The following LPGAT1 variants were observed in gnomAD, a reference collection of about 807,000 sequenced individuals.
The protein encoded by LPGAT1 is lysophosphatidylglycerol acyltransferase 1.
Under a neutral mutation model 47.5 loss-of-function variants are expected in LPGAT1, and 11 were observed. That is an observed-to-expected ratio of 0.23 (90% confidence interval 0.15 to 0.38). LPGAT1 has a LOEUF of 0.38. Ranked by LOEUF, LPGAT1 falls within the 10% of genes least tolerant of loss-of-function variation. The pLI is 1.00. For synonymous variants in LPGAT1, 138 were observed against 144.2 expected, an observed-to-expected ratio of 0.96 and a Z score of 0.31; for missense variants, 293 against 439.0, an observed-to-expected ratio of 0.67 and a Z score of 2.97.
At chr1:211,803,093 G>A (rs890469921) in intron 2 of LPGAT1, 4 of 151,574 alleles carry the variant, frequency 2.6e-5, no homozygotes, top group Non-Finnish European at 5.9e-5. Flanking sequence ...TACTGCACTT[G>A]ACCTGGGGAA....
chr1:211,755,401 A>G (rs573462718), intron 6 of LPGAT1, among the ~76,000 whole-genome samples: 6 of 151,912 alleles, frequency 3.9e-5, no homozygotes, highest in Non-Finnish European at 5.9e-5. Flanking sequence ...CATGATGTTT[A>G]GACCAGCAAA....
At chr1:211,796,514 C>CGA (rs1659358382) in intron 2 of LPGAT1, among the ~76,000 whole-genome samples, 1 of 152,174 alleles carries the variant, frequency 6.6e-6, no homozygotes, top group Non-Finnish European at 1.5e-5. Context: ...GAGAGTCTTT[C>CGA]GAGAGAGCAT....
chr1:211,787,560 T>C (rs1658937557), intron 4 of LPGAT1, 72 bp downstream of exon 4: 1 of 840,216 alleles, frequency 1.2e-6, no homozygotes, highest in Non-Finnish European at 1.9e-6. Flanking sequence ...TTGGTTTTGT[T>C]ATACCTCTTT....
intron 6 of LPGAT1, among the ~76,000 whole-genome samples, chr1:211,777,946 A>G (rs72746524): frequency 0.11 from 17,357 of 152,240 alleles, 1,153 homozygotes; most frequent in South Asian, 0.21. Flanking sequence ...AGATGGCCAC[A>G]AGAGTGACCT....
At chr1:211,751,115 C>A in intron 6 of LPGAT1, 48 bp from the exon 7 acceptor site, 1 of 1,183,180 alleles carries the variant, frequency 8.5e-7, no homozygotes, top group Non-Finnish European at 1.2e-6. Context: ...GTTCAGAAGT[C>A]AAAATCATTC....
At chr1:211,787,870 C>T (rs1658952855) in intron 3 of LPGAT1, 143 bp from the exon 4 acceptor site, 1 of 537,930 alleles carries the variant, frequency 1.9e-6, no homozygotes. Flanking sequence ...TTTCTACAAA[C>T]AAAGCACAGT....
At chr1:211,774,931 G>A (rs1658335273) in intron 6 of LPGAT1, among the ~76,000 whole-genome samples, 3 of 151,930 alleles carry the variant, frequency 2.0e-5, no homozygotes, top group African/African-American at 7.3e-5. Flanking sequence ...CCACATTCTG[G>A]CAATCTAGAT....
chr1:211,819,066 A>C (rs1429157098), intron 2 of LPGAT1, among the ~76,000 whole-genome samples: 1 of 152,196 alleles, frequency 6.6e-6, no homozygotes, highest in Non-Finnish European at 1.5e-5. Context: ...TTAAACAAAA[A>C]TCTTGTGTTG....
intron 6 of LPGAT1, among the ~76,000 whole-genome samples, chr1:211,772,249 A>G (rs1658203256): frequency 6.6e-6 from 1 of 152,258 alleles, no homozygotes; most frequent in Non-Finnish European, 1.5e-5. Flanking sequence ...GAGTTCACAA[A>G]TAAATCTAGA....
At position 211,793,020 on chromosome 1, in the gene LPGAT1, C is replaced by G. The variant is rs1433214494; in HGVS notation, c.357+52G>C. 3.8e-6 allele frequency: 5 copies of G among 1,317,220 alleles called. No homozygotes were observed. The African/African-American group carries it at 6.0e-5, about 16-fold the overall frequency. The allele number at this position is 1,317,220 out of a possible 1,614,324, so 81.6% of individuals were successfully genotyped here. On this transcript the variant is annotated intron_variant, in intron 3 of 7. Coordinates refer to ENST00000366997, the MANE Select transcript of LPGAT1 (RefSeq NM_014873.3). ...CCACCATGCCCGGCCAAATGGATTC[C>G]TTTTTAACCTTCCTTTCTGGATGTC...
At chr1:211,762,337 T>C (rs1033715828) in intron 6 of LPGAT1, among the ~76,000 whole-genome samples, 1 of 152,198 alleles carries the variant, frequency 6.6e-6, no homozygotes, top group African/African-American at 2.4e-5. Flanking sequence ...TTCAATGGGG[T>C]TGAACACGGG....
chr1:211,786,278 T>G (rs1658875164), intron 4 of LPGAT1, among the ~76,000 whole-genome samples: 1 of 152,272 alleles, frequency 6.6e-6, no homozygotes, highest in South Asian at 2.1e-4. Flanking sequence ...TTTGTGACAC[T>G]TATTTTCACA....
chr1:211,763,942 CGGGT>C (rs1657806067), intron 6 of LPGAT1, among the ~76,000 whole-genome samples: 1 of 152,142 alleles, frequency 6.6e-6, no homozygotes, highest in Non-Finnish European at 1.5e-5. Context: ...GAGGCCAAGG[CGGGT>C]GGATCACCTG....
At position 211,804,220 on chromosome 1, in the gene LPGAT1, T is replaced by G. The variant is rs113942693; in HGVS notation, c.239-11030A>C. Among the ~76,000 whole-genome samples, 395 of 152,230 alleles carry G rather than the reference T, an allele frequency of 2.6e-3. 1 individual carries two copies. The highest frequency in any genetic ancestry group is 9.1e-3 in the African/African-American group (378 of 41,540). On this transcript the variant is annotated intron_variant, in intron 2 of 7. Coordinates refer to ENST00000366997, the MANE Select transcript of LPGAT1 (RefSeq NM_014873.3). ...CCACCACCATGCCCTACTAATTTTTTTTTACTTTTTGTAGAGACAGGGTCT... is the reference window on the plus strand; with the variant it reads ...CCACCACCATGCCCTACTAATTTTTGTTTACTTTTTGTAGAGACAGGGTCT...
chr1:211,774,066 A>G (rs957102845), intron 6 of LPGAT1, among the ~76,000 whole-genome samples: 1 of 149,054 alleles, frequency 6.7e-6, no homozygotes, highest in Non-Finnish European at 1.5e-5. Flanking sequence ...CCAATAATCT[A>G]TCATTCTTTA....
chr1:211,790,743 C>T (rs1659076816), intron 3 of LPGAT1, among the ~76,000 whole-genome samples: 1 of 152,148 alleles, frequency 6.6e-6, no homozygotes, highest in South Asian at 2.1e-4. Flanking sequence ...ACCAAACTTT[C>T]TTTTGTCCAC....
Position 211,808,188 on chromosome 1 carries a change from A to G in LPGAT1, c.239-14998T>C, listed in dbSNP as rs536218581. On this transcript the variant is annotated intron_variant, in intron 2 of 7. Transcript: ENST00000366997. ...TGGAGAAACCCCGTCTCTACTAAAA[A>G]TACAAAATTAGCCGGGTGTGGTGGC... 2.6e-5 allele frequency among the ~76,000 whole-genome samples: 4 copies of G among 152,076 alleles called. 1 individual carries two copies. The highest frequency in any genetic ancestry group is 7.2e-5 in the African/African-American group (3 of 41,408).
At chr1:211,776,349 C>T (rs891194006) in intron 6 of LPGAT1, among the ~76,000 whole-genome samples, 1 of 152,042 alleles carries the variant, frequency 6.6e-6, no homozygotes, top group African/African-American at 2.4e-5. Context: ...CCAGCCTGGC[C>T]AACATGGTGA....
At chr1:211,776,574 A>T (rs1658410238) in intron 6 of LPGAT1, among the ~76,000 whole-genome samples, 1 of 152,116 alleles carries the variant, frequency 6.6e-6, no homozygotes. Context: ...TATATACCAA[A>T]ATCACTAAGT....
Sources: gnomAD v4.1 joint callset for allele counts (sites outside exome capture counted in the v4.1 genomes callset) on GRCh38, gnomAD v4.1.1 for gene constraint, MANE v1.5 for transcripts, NCBI Gene and HGNC (gene_info 2026-07-23, HGNC 2026-07-21) for gene names.